The following ROBO1 variants were observed in gnomAD, a reference collection of about 807,000 sequenced individuals.
ROBO1 encodes roundabout guidance receptor 1.
ROBO1 carries 149 observed loss-of-function variants against 195.9 expected under a neutral mutation model. The observed-to-expected ratio is 0.76, with a 90% confidence interval of 0.67 to 0.87. ROBO1 has a LOEUF of 0.87. ROBO1 is among the 40% of genes least tolerant of loss of function. ROBO1 has a pLI of 0.00. For synonymous variants in ROBO1, 816 were observed against 733.2 expected, an observed-to-expected ratio of 1.11 and a Z score of -1.82; for missense variants, 1,933 against 2,068.3, an observed-to-expected ratio of 0.93 and a Z score of 1.27.
At chr3:78,678,848 C>A (rs1453586354) in intron 10 of ROBO1, among the ~76,000 whole-genome samples, 1 of 152,066 alleles carries the variant, frequency 6.6e-6, no homozygotes, top group African/African-American at 2.4e-5. Context: ...ATCCTGATAC[C>A]AAAGCCGGGC....
At chr3:79,665,395 A>G (rs1309160937) in intron 1 of ROBO1, among the ~76,000 whole-genome samples, 2 of 151,848 alleles carry the variant, frequency 1.3e-5, no homozygotes, top group African/African-American at 4.8e-5. Flanking sequence ...CAATATCTGT[A>G]TGTCAGTTCC....
chr3:78,657,310 C>A (rs753246741), intron 17 of ROBO1, 41 bp from the exon 18 acceptor site: 2 of 1,599,804 alleles, frequency 1.3e-6, no homozygotes, highest in Admixed American at 3.4e-5. Context: ...GGTAAATTAC[C>A]TAAATGAATG....
intron 1 of ROBO1, among the ~76,000 whole-genome samples, chr3:79,659,106 A>G (rs1209610673): frequency 1.3e-5 from 2 of 152,116 alleles, no homozygotes; most frequent in Non-Finnish European, 2.9e-5. Flanking sequence ...TCTACGTATC[A>G]TAATATAATC....
At chr3:79,294,080 A>AG (rs796793439) in intron 2 of ROBO1, among the ~76,000 whole-genome samples, 11,971 of 139,966 alleles carry the variant, frequency 0.086, 805 homozygotes, top group Middle Eastern at 0.098. Context: ...AAAAAAAAAA[A>AG]AAAGAAAGAA....
chr3:78,669,838 T>C (rs189193642), intron 11 of ROBO1, among the ~76,000 whole-genome samples: 1 of 152,348 alleles, frequency 6.6e-6, no homozygotes, highest in East Asian at 1.9e-4. Context: ...TCATTTACTT[T>C]CCTCGGTAGG....
intron 3 of ROBO1, among the ~76,000 whole-genome samples, chr3:79,023,985 C>T (rs1378004441): frequency 6.6e-6 from 1 of 151,862 alleles, no homozygotes; most frequent in Non-Finnish European, 1.5e-5. Context: ...GCTGGGATTA[C>T]AGGCGTGAGC....
chr3:78,616,824 T>G (rs1210528881), intron 27 of ROBO1, among the ~76,000 whole-genome samples: 1 of 152,174 alleles, frequency 6.6e-6, no homozygotes, highest in Non-Finnish European at 1.5e-5. Flanking sequence ...AAATAAGTCT[T>G]ACATTTAAAT....
intron 2 of ROBO1, among the ~76,000 whole-genome samples, chr3:79,201,109 T>A (rs2081755526): frequency 6.6e-6 from 1 of 151,966 alleles, no homozygotes; most frequent in Non-Finnish European, 1.5e-5. Context: ...TCATTCTTAA[T>A]AGCCTATTCT....
At chr3:78,692,348 C>A (rs1479926662) in intron 8 of ROBO1, among the ~76,000 whole-genome samples, 4 of 152,108 alleles carry the variant, frequency 2.6e-5, no homozygotes, top group Admixed American at 1.3e-4. Context: ...TGGCTCACTG[C>A]AACCTCTGCC....
At chr3:78,677,591 T>C (rs867761234) in intron 10 of ROBO1, among the ~76,000 whole-genome samples, 2,403 of 151,636 alleles carry the variant, frequency 0.016, 65 homozygotes, top group African/African-American at 0.055. Flanking sequence ...CATTACATAA[T>C]GGTAAAGGGA....
chr3:79,765,896 C>T (rs185487628), intron 1 of ROBO1, among the ~76,000 whole-genome samples: 138 of 152,246 alleles, frequency 9.1e-4, no homozygotes, highest in African/African-American at 3.1e-3. Flanking sequence ...AACCTCCCAC[C>T]ACTACTTGGA....
In ROBO1 at chr3:78,789,258, G is replaced by C. The variant is rs73115163; in HGVS notation, c.500-42358C>G. Among the ~76,000 whole-genome samples the C allele has an allele frequency of 1.2e-3, 176 of 152,174 alleles. 2 individuals carry two copies. Among genetic ancestry groups the C allele is most frequent in the Non-Finnish European group, 1.4e-3 (96 of 67,998 alleles). ...TTTTAATGGTGAAAAATAAGAGAAA[G>C]ATTAAAGCTAAGATATTGATATTGA... On this transcript the variant is annotated intron_variant, in intron 4 of 30. Coordinates refer to ENST00000464233, the MANE Select transcript of ROBO1 (RefSeq NM_002941.4).
chr3:79,189,327 C>T (rs2081497825), intron 2 of ROBO1, among the ~76,000 whole-genome samples: 2 of 151,598 alleles, frequency 1.3e-5, no homozygotes, highest in South Asian at 4.2e-4. Flanking sequence ...TAGATACCCA[C>T]CCACACACCA....
intron 5 of ROBO1, among the ~76,000 whole-genome samples, chr3:78,736,550 A>G (rs2082396811): frequency 6.6e-6 from 1 of 152,168 alleles, no homozygotes; most frequent in East Asian, 1.9e-4. Context: ...AACATTACAG[A>G]TAGAAAACCA....
At chr3:79,538,151 T>C (rs926770309) in intron 2 of ROBO1, among the ~76,000 whole-genome samples, 2 of 152,260 alleles carry the variant, frequency 1.3e-5, no homozygotes, top group Non-Finnish European at 2.9e-5. Context: ...CTATATAATT[T>C]TAGGTAACAT....
At chr3:78,673,418 C>A (rs946376210) in intron 10 of ROBO1, among the ~76,000 whole-genome samples, 1 of 143,298 alleles carries the variant, frequency 7.0e-6, no homozygotes, top group Non-Finnish European at 1.5e-5. Context: ...GGTTACACCA[C>A]CTGTTATAAA....
intron 3 of ROBO1, among the ~76,000 whole-genome samples, chr3:79,026,111 C>T (rs143606008): frequency 3.9e-5 from 6 of 152,008 alleles, no homozygotes; most frequent in African/African-American, 7.2e-5. Flanking sequence ...GATCAGGAAC[C>T]GGGAATGCTG....
At chr3:78,659,114 C>T (rs1707221848) in intron 17 of ROBO1, among the ~76,000 whole-genome samples, 4 of 152,134 alleles carry the variant, frequency 2.6e-5, no homozygotes, top group African/African-American at 9.7e-5. Flanking sequence ...AGTATCCTGT[C>T]ACTCCTCAGT....
intron 2 of ROBO1, among the ~76,000 whole-genome samples, chr3:79,342,512 A>G (rs114002455): frequency 0.012 from 1,767 of 152,292 alleles, 37 homozygotes; most frequent in African/African-American, 0.04. Flanking sequence ...ACTACATATC[A>G]AAATTTTTAA....
Sources: allele counts gnomAD v4.1 joint callset (sites outside exome capture counted in the v4.1 genomes callset), GRCh38; gene constraint gnomAD v4.1.1; transcripts MANE v1.5; gene names NCBI Gene and HGNC (gene_info 2026-07-23, HGNC 2026-07-21).